Variants in UBE4B observed in about 807,000 individuals in gnomAD.
UBE4B encodes ubiquitin conjugation factor E4 B.
UBE4B carries 27 observed loss-of-function variants against 148.1 expected under a neutral mutation model. The observed-to-expected ratio is 0.18, with a 90% CI of 0.13 to 0.25. The LOEUF (loss-of-function observed/expected upper bound fraction) is 0.25. UBE4B is among the 10% of genes least tolerant of loss of function. UBE4B has a pLI of 1.00. For missense variants in UBE4B, 1,170 were observed against 1,662.4 expected (o/e 0.70, Z 5.15); for synonymous variants, 596 against 619.3 (o/e 0.96, Z 0.56).
intron 8 of UBE4B, 22 bp downstream of exon 8, chr1:10,117,622 T>TAA (rs77011101): frequency 5.3e-5 from 64 of 1,211,154 alleles, no homozygotes; most frequent in Admixed American, 1.9e-4. Flanking sequence ...TGGATTAACT[T>TAA]AAAAAAAAAA....
chr1:10,041,927 T>C (rs1365755327), intron 1 of UBE4B, among the ~76,000 whole-genome samples: 2 of 152,052 alleles, frequency 1.3e-5, no homozygotes, highest in African/African-American at 2.4e-5. Flanking sequence ...ACTCCTGACC[T>C]CAAATGATCC....
At position 10,033,664 on chromosome 1, in the gene UBE4B, GA is replaced by G; in HGVS notation, c.-4del. On this transcript the variant is annotated 5_prime_UTR_variant, in exon 1 of 28. Coordinates refer to ENST00000343090, the MANE Select transcript of UBE4B (RefSeq NM_001105562.3). Reference sequence around the variant, plus strand: ...CCTTAACGCCTTTCACCATTAAGAGGAAAGCGATGGAGGAGCTGAGCGCTGA... The same window carrying G: ...CCTTAACGCCTTTCACCATTAAGAGGAAGCGATGGAGGAGCTGAGCGCTGA... The G allele has an allele frequency of 6.4e-7, 1 of 1,571,132 alleles. No homozygotes were observed. Among genetic ancestry groups the G allele is most frequent in the South Asian group, 1.2e-5 (1 of 85,914 alleles).
chr1:10,146,827 T>C (rs1362761028), intron 18 of UBE4B, 136 bp from the exon 19 acceptor site: 33 of 1,067,744 alleles, frequency 3.1e-5, no homozygotes, highest in Non-Finnish European at 4.4e-5. Context: ...CAGCATCTTA[T>C]AGCTAGTTAG....
In UBE4B at chr1:10,179,947, C is replaced by T. The variant is rs140883136; in HGVS notation, c.3900C>T (p.Ser1300=). 67 of 1,614,104 alleles carry T rather than the reference C, an allele frequency of 4.2e-5. 2 individuals carry two copies. In the South Asian group the frequency reaches 6.3e-4, roughly 15 times the overall value. Residue 1300 remains serine, a synonymous_variant, in exon 28 of 28, where the codon AGC becomes AGT. Coordinates refer to ENST00000343090, the MANE Select transcript of UBE4B (RefSeq NM_001105562.3). ...IQAWMREKQN[S]DH ...CGTGGATGAGAGAGAAACAGAACAG[C>T]GATCACTAAACCGTTCCGCCGCCCA...
At chr1:10,153,317 G>A (rs530581870) in intron 21 of UBE4B, among the ~76,000 whole-genome samples, 84 of 151,454 alleles carry the variant, frequency 5.5e-4, no homozygotes, top group Middle Eastern at 6.8e-3. Context: ...ACCAGCCTGG[G>A]CAACATGGCG....
At chr1:10,140,675 A>G (rs1645769221) in intron 17 of UBE4B, among the ~76,000 whole-genome samples, 1 of 152,210 alleles carries the variant, frequency 6.6e-6, no homozygotes, top group South Asian at 2.1e-4. Flanking sequence ...CTTGCAGCAG[A>G]TAGCCTTTAT....
At chr1:10,154,136 G>A (rs1165113367) in intron 21 of UBE4B, among the ~76,000 whole-genome samples, 9 of 152,150 alleles carry the variant, frequency 5.9e-5, no homozygotes, top group Non-Finnish European at 1.2e-4. Context: ...CCAGCTACTC[G>A]GGAGGCTGAG....
At chr1:10,124,370 CAGGCTGGTCTTGAACTCTTGGCCTCA>C (rs1238438600) in intron 10 of UBE4B, among the ~76,000 whole-genome samples, 6 of 152,114 alleles carry the variant, frequency 3.9e-5, no homozygotes, top group Non-Finnish European at 8.8e-5. Flanking sequence ...TCATGTTGGC[CAGGCTGGTCTTGAACTCTTGGCCTCA>C]AGGCTGGTCT....
chr1:10,158,855 A>G (rs1169986458), intron 22 of UBE4B, among the ~76,000 whole-genome samples: 2 of 152,086 alleles, frequency 1.3e-5, no homozygotes, highest in East Asian at 1.9e-4. Flanking sequence ...TTAAAAATAC[A>G]AAACATTAAC....
chr1:10,179,446 C>G lies in UBE4B; in HGVS notation c.3731C>G (p.Pro1244Arg), dbSNP rs1287279388. The change falls in exon 27 of 28, where the codon CCC (proline) becomes CGC (arginine). Residue 1244 changes from proline to arginine, a missense_variant. Coordinates refer to ENST00000343090, the MANE Select transcript of UBE4B (RefSeq NM_001105562.3). ...DPLMDTLMTD[P>R]VRLPSGTIMD... The stretch of plus-strand genomic sequence containing the variant: ...CTGATGGACACCCTCATGACAGACC[C>G]CGTGCGGCTGCCCTCTGGCACCATC... The G allele has an allele frequency of 6.2e-7, 1 of 1,613,928 alleles. No individual in the cohort carries two copies. The highest frequency in any genetic ancestry group is 8.5e-7 in the Non-Finnish European group (1 of 1,180,040).
intron 3 of UBE4B, among the ~76,000 whole-genome samples, chr1:10,100,679 C>T (rs1041184464): frequency 3.3e-5 from 5 of 152,124 alleles, no homozygotes; most frequent in Admixed American, 1.3e-4. Flanking sequence ...ATCAGCCTGC[C>T]GAGTAGCTGG....
chr1:10,091,493 G>T (rs2101867030), intron 2 of UBE4B, among the ~76,000 whole-genome samples: 1 of 152,130 alleles, frequency 6.6e-6, no homozygotes, highest in Middle Eastern at 3.4e-3. Flanking sequence ...TGCCCATGCT[G>T]GAGTGCAGTG....
chr1:10,048,900 G>T (rs1419991610), intron 1 of UBE4B, among the ~76,000 whole-genome samples: 1 of 152,118 alleles, frequency 6.6e-6, no homozygotes, highest in East Asian at 1.9e-4. Context: ...ATCTTTTTCT[G>T]TTTTAACTTT....
chr1:10,137,520 A>C (rs1308191239), intron 17 of UBE4B, among the ~76,000 whole-genome samples: 1 of 152,168 alleles, frequency 6.6e-6, no homozygotes. Flanking sequence ...TAAAAGTTTA[A>C]AGGATCCCCT....
chr1:10,127,665 GTATT>G (rs1486470012), intron 11 of UBE4B, among the ~76,000 whole-genome samples: 1 of 152,066 alleles, frequency 6.6e-6, no homozygotes, highest in Non-Finnish European at 1.5e-5. Flanking sequence ...TTTTCTTACT[GTATT>G]TATTTCTTTT....
intron 5 of UBE4B, among the ~76,000 whole-genome samples, chr1:10,103,571 T>A (rs1645052043): frequency 6.6e-6 from 1 of 150,904 alleles, no homozygotes; most frequent in Non-Finnish European, 1.5e-5. Context: ...TAGCTGGGAC[T>A]ACAGGCGTGC....
chr1:10,097,153 G>A (rs1644942738), intron 3 of UBE4B, among the ~76,000 whole-genome samples: 2 of 151,950 alleles, frequency 1.3e-5, no homozygotes, highest in African/African-American at 4.8e-5. Flanking sequence ...AGACATAGCT[G>A]AAGAAAGAAT....
chr1:10,033,648 C>A lies in UBE4B; in HGVS notation c.-23C>A. 1 of 1,562,038 alleles carries A rather than the reference C, an allele frequency of 6.4e-7. No homozygotes were observed. Among genetic ancestry groups the A allele is most frequent in the Non-Finnish European group, 8.7e-7 (1 of 1,154,672 alleles). On this transcript the variant is annotated 5_prime_UTR_variant, in exon 1 of 28. Coordinates refer to ENST00000343090, the MANE Select transcript of UBE4B (RefSeq NM_001105562.3). Reference sequence around the variant, plus strand: ...GAACAGAAGGATCTCTCCTTAACGCCTTTCACCATTAAGAGGAAAGCGATG... The same window carrying A: ...GAACAGAAGGATCTCTCCTTAACGCATTTCACCATTAAGAGGAAAGCGATG...
At chr1:10,159,621 C>T (rs962329662) in intron 22 of UBE4B, among the ~76,000 whole-genome samples, 1 of 151,968 alleles carries the variant, frequency 6.6e-6, no homozygotes, top group Non-Finnish European at 1.5e-5. Context: ...GGAGGCGGAG[C>T]TTGCAGTGAG....
Sources: gnomAD v4.1 joint callset for allele counts (sites outside exome capture counted in the v4.1 genomes callset) on GRCh38, gnomAD v4.1.1 for gene constraint, MANE v1.5 for transcripts, NCBI Gene and HGNC (gene_info 2026-07-23, HGNC 2026-07-21) for gene names.